CNTN6: variants seen among roughly 807,000 people sequenced by gnomAD.
The protein encoded by CNTN6 is contactin-6.
A neutral mutation model predicts 122.8 loss-of-function variants in CNTN6; 137 were observed. That is an observed-to-expected ratio of 1.12 (90% CI 0.97 to 1.29). The LOEUF is 1.29. Ranked by LOEUF, CNTN6 falls within the 50% of genes most tolerant of loss-of-function variation. The probability of loss-of-function intolerance (pLI) is 0.00; values close to 1 mark genes in which losing one functional copy is unlikely to be tolerated. For missense variants in CNTN6, 1,634 were observed against 1,223.4 expected (o/e 1.34, Z -5.01); for synonymous variants, 570 against 426.0 (o/e 1.34, Z -4.16).
At chr3:1,393,548 A>G (rs1560027724) in intron 20 of CNTN6, among the ~76,000 whole-genome samples, 2 of 100,652 alleles carry the variant, frequency 2.0e-5, no homozygotes, top group Admixed American at 1.2e-4. Flanking sequence ...CCTAAAACTT[A>G]AAGAAGTAAA....
chr3:1,245,983 C>CA (rs1253590563), intron 4 of CNTN6, among the ~76,000 whole-genome samples: 1 of 152,120 alleles, frequency 6.6e-6, no homozygotes, highest in Admixed American at 6.5e-5. Context: ...GGGCCACATT[C>CA]AAAGCCATCC....
At chr3:1,099,001 T>C (rs955539937) in intron 1 of CNTN6, among the ~76,000 whole-genome samples, 5 of 151,154 alleles carry the variant, frequency 3.3e-5, no homozygotes, top group African/African-American at 1.2e-4. Context: ...TTCCTCATTC[T>C]ACATTACCAT....
intron 2 of CNTN6, among the ~76,000 whole-genome samples, chr3:1,203,305 T>C (rs934813124): frequency 6.6e-6 from 1 of 152,178 alleles, no homozygotes; most frequent in African/African-American, 2.4e-5. Flanking sequence ...AATGAGCAGA[T>C]TTGCCCTTGG....
Position 1,218,809 on chromosome 3 carries a change from C to T in CNTN6, c.56-1878C>T, listed in dbSNP as rs191006161. On this transcript the variant is annotated intron_variant, in intron 2 of 22. Coordinates refer to ENST00000446702, the MANE Select transcript of CNTN6 (RefSeq NM_001289080.2). Reference sequence around the variant, plus strand: ...AAAAAATGAGTACGGTGAGCATCCTCATGATGGCTTCTAAATACCAATCTC... The same window carrying T: ...AAAAAATGAGTACGGTGAGCATCCTTATGATGGCTTCTAAATACCAATCTC... Among the ~76,000 whole-genome samples, 124 of 152,296 alleles carry T rather than the reference C, an allele frequency of 8.1e-4. 3 individuals carry two copies. The highest frequency in any genetic ancestry group is 8.0e-3 in the Admixed American group (123 of 15,300).
chr3:1,213,608 T>G (rs1047074185), intron 2 of CNTN6, among the ~76,000 whole-genome samples: 2 of 151,834 alleles, frequency 1.3e-5, no homozygotes, highest in Non-Finnish European at 2.9e-5. Flanking sequence ...TTGGGTAAAA[T>G]TATAGCCATC....
chr3:1,171,432 C>T (rs1262895864), intron 2 of CNTN6, among the ~76,000 whole-genome samples: 1 of 152,174 alleles, frequency 6.6e-6, no homozygotes, highest in Non-Finnish European at 1.5e-5. Context: ...GAGCAGATAA[C>T]TAATCATATT....
chr3:1,335,208 C>T (rs1400164611), intron 11 of CNTN6, among the ~76,000 whole-genome samples: 1 of 152,122 alleles, frequency 6.6e-6, no homozygotes, highest in African/African-American at 2.4e-5. Flanking sequence ...ATAAGAGACT[C>T]AGATTTTATG....
intron 1 of CNTN6, among the ~76,000 whole-genome samples, chr3:1,095,103 A>G (rs898385338): frequency 6.6e-6 from 1 of 151,960 alleles, no homozygotes; most frequent in South Asian, 2.1e-4. Context: ...AAAAATAAAT[A>G]ATAAATATTT....
intron 2 of CNTN6, among the ~76,000 whole-genome samples, chr3:1,175,599 T>C (rs1405776218): frequency 6.6e-6 from 1 of 152,168 alleles, no homozygotes; most frequent in Non-Finnish European, 1.5e-5. Flanking sequence ...TAAAACAATA[T>C]GAAGTTATTA....
At chr3:1,348,360 T>C (rs1333223283) in intron 11 of CNTN6, among the ~76,000 whole-genome samples, 1 of 151,914 alleles carries the variant, frequency 6.6e-6, no homozygotes, top group Non-Finnish European at 1.5e-5. Context: ...ATGACCATTA[T>C]TAGTACCTCA....
chr3:1,281,983 TACACAC>T (rs3836238), intron 5 of CNTN6, among the ~76,000 whole-genome samples: 10,099 of 149,762 alleles, frequency 0.067, 475 homozygotes, highest in East Asian at 0.18. Flanking sequence ...TATATAGGTA[TACACAC>T]ACACACACAC....
intron 1 of CNTN6, among the ~76,000 whole-genome samples, chr3:1,119,327 G>GTGTGTGTGTGTGTGTGTT (rs1559347787): frequency 1.3e-5 from 2 of 150,228 alleles, no homozygotes; most frequent in African/African-American, 4.9e-5. Context: ...AAAATCGTGT[G>GTGTGTGTGTGTGTGTGTT]TGTGTGTGTG....
At position 1,227,881 on chromosome 3, in the gene CNTN6, C is replaced by T; in HGVS notation, c.246C>T (p.Gly82=). The change falls in exon 4 of 23, where the codon GGC becomes GGT. Residue 82 remains glycine (G), a synonymous_variant. Coordinates refer to ENST00000446702, the MANE Select transcript of CNTN6 (RefSeq NM_001289080.2). ...TMSYHYRLDG[G]SLAINSPHTD... ...GTTATCACTACAGGTTGGATGGAGG[C>T]AGTCTTGCAATCAATAGCCCCCACA... The T allele has an allele frequency of 6.2e-7, 1 of 1,613,882 alleles. No homozygotes were observed. The highest frequency in any genetic ancestry group is 8.5e-7 in the Non-Finnish European group (1 of 1,179,950).
At chr3:1,340,532 T>G (rs1006614003) in intron 11 of CNTN6, among the ~76,000 whole-genome samples, 3 of 152,136 alleles carry the variant, frequency 2.0e-5, no homozygotes, top group African/African-American at 7.2e-5. Flanking sequence ...GAGGTAGATA[T>G]GTAAATTCAG....
chr3:1,331,571 C>T (rs1021495952), intron 11 of CNTN6, among the ~76,000 whole-genome samples: 1 of 151,936 alleles, frequency 6.6e-6, no homozygotes, highest in African/African-American at 2.4e-5. Context: ...AATGTTTCCT[C>T]ATGCATTCCT....
chr3:1,386,236 C>T (rs141268664), intron 20 of CNTN6, among the ~76,000 whole-genome samples: 18 of 151,836 alleles, frequency 1.2e-4, no homozygotes, highest in African/African-American at 3.9e-4. Flanking sequence ...GTCCAGTACA[C>T]ACCTTAATAT....
intron 4 of CNTN6, among the ~76,000 whole-genome samples, chr3:1,247,530 T>A (rs1303881357): frequency 6.6e-6 from 1 of 152,030 alleles, no homozygotes; most frequent in Non-Finnish European, 1.5e-5. Flanking sequence ...AGAATAAAAA[T>A]TCATGCCATG....
intron 7 of CNTN6, 32 bp from the exon 8 acceptor site, chr3:1,321,618 G>A (rs764452642): frequency 1.4e-5 from 22 of 1,537,982 alleles, no homozygotes; most frequent in Admixed American, 8.4e-5. Context: ...AGATTAAACC[G>A]TCTTCTATTC....
At chr3:1,119,364 C>T (rs1479177313) in intron 1 of CNTN6, among the ~76,000 whole-genome samples, 1 of 14,482 alleles carries the variant, frequency 6.9e-5, no homozygotes, top group East Asian at 3.3e-3. Context: ...GAGAATGTCT[C>T]TTTGGCCCAG....
Sources: allele counts gnomAD v4.1 joint callset (sites outside exome capture counted in the v4.1 genomes callset), GRCh38; gene constraint gnomAD v4.1.1; transcripts MANE v1.5; gene names NCBI Gene and HGNC (gene_info 2026-07-23, HGNC 2026-07-21).